The following ZNF385D variants were observed in gnomAD, a reference collection of about 807,000 sequenced individuals.
The protein encoded by ZNF385D is zinc finger protein 659.
Under a neutral mutation model 35.8 loss-of-function variants are expected in ZNF385D, and 15 were observed. The observed-to-expected ratio is 0.42, with a 90% CI of 0.28 to 0.64. ZNF385D has a LOEUF of 0.64. ZNF385D is among the 30% of genes least tolerant of loss of function. The pLI, the probability that ZNF385D is intolerant of heterozygous loss-of-function variation, is 0.23. For synonymous variants in ZNF385D, 212 were observed against 186.8 expected, an observed-to-expected ratio of 1.13 and a Z score of -1.10; for missense variants, 474 against 494.6, an observed-to-expected ratio of 0.96 and a Z score of 0.39.
chr3:21,699,447 C>A (rs1216343070), intron 1 of ZNF385D, among the ~76,000 whole-genome samples: 2 of 151,802 alleles, frequency 1.3e-5, no homozygotes, highest in African/African-American at 2.4e-5. Flanking sequence ...TGTAACACAC[C>A]TGCACATTCT....
At chr3:21,707,273 A>G (rs1280745751) in intron 1 of ZNF385D, among the ~76,000 whole-genome samples, 2 of 152,222 alleles carry the variant, frequency 1.3e-5, no homozygotes, top group Non-Finnish European at 2.9e-5. Context: ...TCAACATGAA[A>G]TGATATTCAG....
chr3:22,140,385 C>A (rs964049113), intron 3 of ZNF385D, among the ~76,000 whole-genome samples: 5 of 152,038 alleles, frequency 3.3e-5, no homozygotes, highest in Admixed American at 2.6e-4. Context: ...AAAATTATAG[C>A]AATGGGGAAC....
chr3:21,526,068 C>T lies in ZNF385D; in HGVS notation c.277-15045G>A, dbSNP rs779879157. ...TATATTATTACACCGTAAACAGATGCTATTTTCCACTACATATTCAGCTGT... is the reference window on the plus strand; with the variant it reads ...TATATTATTACACCGTAAACAGATGTTATTTTCCACTACATATTCAGCTGT... On this transcript the variant is annotated intron_variant, in intron 3 of 7. Coordinates refer to ENST00000281523, the MANE Select transcript of ZNF385D (RefSeq NM_024697.3). Among the ~76,000 whole-genome samples, 4 of 152,184 alleles carry T rather than the reference C, an allele frequency of 2.6e-5. No homozygotes were observed. In the South Asian group the frequency reaches 8.3e-4, roughly 32 times the overall value.
intron 2 of ZNF385D, among the ~76,000 whole-genome samples, chr3:22,285,720 C>T (rs1307705296): frequency 1.3e-5 from 2 of 151,972 alleles, no homozygotes; most frequent in African/African-American, 4.8e-5. Context: ...GTGTGATGTT[C>T]CCCTTCCCTA....
intron 2 of ZNF385D, among the ~76,000 whole-genome samples, chr3:22,263,586 T>G (rs1242522704): frequency 6.6e-6 from 1 of 151,958 alleles, no homozygotes; most frequent in Non-Finnish European, 1.5e-5. Flanking sequence ...GGCAAAAGTT[T>G]TGTCCGTATT....
At chr3:21,985,856 G>T (rs1430507805) in intron 3 of ZNF385D, among the ~76,000 whole-genome samples, 1 of 123,480 alleles carries the variant, frequency 8.1e-6, no homozygotes, top group Non-Finnish European at 1.6e-5. Flanking sequence ...CCTGTTATTG[G>T]TCTATTCAGA....
Position 22,288,048 on chromosome 3 carries a change from GT to G in ZNF385D, c.106+84401del, listed in dbSNP as rs1702115572. Among the ~76,000 whole-genome samples, 4 of 151,688 alleles carry G rather than the reference GT, an allele frequency of 2.6e-5. No individual in the cohort carries two copies. The South Asian group carries it at 8.3e-4, about 32-fold the overall frequency. Reference sequence around the variant, plus strand: ...ATATTAATCTTGACAGGCAAGGTTTGTTTTTTTCTCTCAGTATTCTGAAATA... The same window carrying G: ...ATATTAATCTTGACAGGCAAGGTTTGTTTTTTCTCTCAGTATTCTGAAATA... On this transcript the variant is annotated intron_variant, in intron 2 of 5. Transcript: ENST00000494108.
intron 3 of ZNF385D, among the ~76,000 whole-genome samples, chr3:22,130,684 G>C (rs1392613026): frequency 2.6e-5 from 4 of 152,278 alleles, no homozygotes; most frequent in African/African-American, 9.6e-5. Flanking sequence ...ACTGCTGGGA[G>C]ATAGGAGAGG....
At position 22,334,934 on chromosome 3, in the gene ZNF385D, TC is replaced by T. The variant is rs574402697; in HGVS notation, c.106+37515del. Among the ~76,000 whole-genome samples the T allele has an allele frequency of 1.4e-4, 22 of 152,276 alleles. 1 individual carries two copies. The South Asian group carries it at 4.1e-3, about 29-fold the overall frequency. On this transcript the variant is annotated intron_variant, in intron 2 of 5. Transcript: ENST00000494108. ...TATTTTATTTTCTTCATGATAGTTT[TC>T]AATATCAATTTTTTCATAATGAGAA...
At chr3:22,163,916 G>C (rs565339603) in intron 3 of ZNF385D, among the ~76,000 whole-genome samples, 1 of 152,298 alleles carries the variant, frequency 6.6e-6, no homozygotes, top group Admixed American at 6.5e-5. Context: ...TGCTTACTAA[G>C]AATTTACAGG....
intron 3 of ZNF385D, among the ~76,000 whole-genome samples, chr3:21,939,524 T>C (rs1290689050): frequency 6.6e-6 from 1 of 152,180 alleles, no homozygotes; most frequent in Non-Finnish European, 1.5e-5. Flanking sequence ...ATAAGTTGCA[T>C]TGTATTTTAA....
At chr3:22,117,959 A>G (rs1462616271) in intron 3 of ZNF385D, among the ~76,000 whole-genome samples, 1 of 152,124 alleles carries the variant, frequency 6.6e-6, no homozygotes, top group Non-Finnish European at 1.5e-5. Flanking sequence ...TGGATATTAC[A>G]GAAGTAACAA....
At chr3:22,237,156 T>A (rs1270871433) in intron 2 of ZNF385D, among the ~76,000 whole-genome samples, 1 of 151,604 alleles carries the variant, frequency 6.6e-6, no homozygotes, top group African/African-American at 2.4e-5. Flanking sequence ...ATGTGGGGGT[T>A]CCAACCACTC....
intron 3 of ZNF385D, among the ~76,000 whole-genome samples, chr3:21,810,578 TAATA>T (rs1456745165): frequency 6.6e-6 from 1 of 152,132 alleles, no homozygotes; most frequent in Non-Finnish European, 1.5e-5. Flanking sequence ...TTATTTTTAT[TAATA>T]AAATATAAAC....
chr3:21,618,867 A>T (rs1057393150), intron 2 of ZNF385D, among the ~76,000 whole-genome samples: 2 of 152,136 alleles, frequency 1.3e-5, no homozygotes, highest in Non-Finnish European at 2.9e-5. Context: ...TAGCTTCCTT[A>T]TAGATAACAT....
intron 1 of ZNF385D, among the ~76,000 whole-genome samples, chr3:21,716,066 A>T (rs1447317921): frequency 6.6e-6 from 1 of 151,946 alleles, no homozygotes; most frequent in African/African-American, 2.4e-5. Flanking sequence ...ATCAATCTCA[A>T]TACCCCACAC....
At chr3:21,804,679 A>C (rs1319325336) in intron 3 of ZNF385D, among the ~76,000 whole-genome samples, 2 of 152,180 alleles carry the variant, frequency 1.3e-5, no homozygotes, top group Non-Finnish European at 2.9e-5. Flanking sequence ...TTGTCCTCAG[A>C]TTCTGTATTA....
intron 3 of ZNF385D, among the ~76,000 whole-genome samples, chr3:21,550,418 G>A (rs1056673685): frequency 6.6e-6 from 1 of 152,120 alleles, no homozygotes; most frequent in Non-Finnish European, 1.5e-5. Flanking sequence ...TTAAGACTAA[G>A]AGATATGAAT....
intron 3 of ZNF385D, among the ~76,000 whole-genome samples, chr3:22,000,765 A>G (rs1174928560): frequency 4.8e-5 from 1 of 20,690 alleles, no homozygotes; most frequent in Non-Finnish European, 9.9e-5. Flanking sequence ...CTGAAAGAGG[A>G]AAAAAAAACC....
Sources: allele counts gnomAD v4.1 joint callset (sites outside exome capture counted in the v4.1 genomes callset), GRCh38; gene constraint gnomAD v4.1.1; transcripts MANE v1.5; gene names NCBI Gene and HGNC (gene_info 2026-07-23, HGNC 2026-07-21).